KCNIP4: variants seen among roughly 807,000 people sequenced by gnomAD.
KCNIP4 encodes Kv channel-interacting protein 4.
Under a neutral mutation model 34.0 loss-of-function variants are expected in KCNIP4, and 12 were observed. The ratio of observed to expected loss-of-function variants is 0.35; its 90% CI spans 0.23 to 0.57. KCNIP4 has a LOEUF of 0.57. KCNIP4 is among the 20% of genes least tolerant of loss of function. The pLI is 0.83. For missense variants in KCNIP4, 238 were observed against 311.7 expected, an observed-to-expected ratio of 0.76 and a Z score of 1.78; for synonymous variants, 124 against 102.2, an observed-to-expected ratio of 1.21 and a Z score of -1.29.
chr4:21,007,520 C>T (rs918172958), intron 1 of KCNIP4, among the ~76,000 whole-genome samples: 2 of 151,984 alleles, frequency 1.3e-5, no homozygotes, highest in Admixed American at 6.6e-5. Context: ...TTTTTTGTAC[C>T]CATTAAACCA....
chr4:20,774,451 C>G (rs971925698), intron 3 of KCNIP4, among the ~76,000 whole-genome samples: 1 of 152,110 alleles, frequency 6.6e-6, no homozygotes, highest in African/African-American at 2.4e-5. Flanking sequence ...TGGATTTTAT[C>G]ATAATTAATT....
intron 1 of KCNIP4, among the ~76,000 whole-genome samples, chr4:21,717,548 C>A (rs899173544): frequency 2.6e-4 from 39 of 152,102 alleles, no homozygotes; most frequent in Non-Finnish European, 1.0e-4. Flanking sequence ...ACCATACCTC[C>A]CCAAAATAAA....
At chr4:21,601,863 G>A (rs1743192979) in intron 1 of KCNIP4, among the ~76,000 whole-genome samples, 1 of 152,092 alleles carries the variant, frequency 6.6e-6, no homozygotes, top group Non-Finnish European at 1.5e-5. Context: ...GGTCTCAACT[G>A]TCACCTCCTC....
At chr4:21,677,205 T>G (rs1227304965) in intron 1 of KCNIP4, among the ~76,000 whole-genome samples, 1 of 152,236 alleles carries the variant, frequency 6.6e-6, no homozygotes, top group Admixed American at 6.5e-5. Flanking sequence ...AGTCTTCTTT[T>G]GAGTTCTTAT....
chr4:21,757,177 AGG>A (rs1560691371), intron 1 of KCNIP4, among the ~76,000 whole-genome samples: 11 of 33,292 alleles, frequency 3.3e-4, no homozygotes, highest in African/African-American at 7.1e-4. Flanking sequence ...GAAGGAAGGA[AGG>A]AAGGAAGGAA....
intron 1 of KCNIP4, among the ~76,000 whole-genome samples, chr4:21,529,342 C>T (rs752417054): frequency 2.6e-5 from 4 of 152,126 alleles, no homozygotes; most frequent in Non-Finnish European, 2.9e-5. Flanking sequence ...CCACAGCTCA[C>T]TCAGTGACGG....
Position 21,528,752 on chromosome 4 carries a change from AAAG to A in KCNIP4, c.61+419816_61+419818del, listed in dbSNP as rs1736305150. 2.1e-3 allele frequency among the ~76,000 whole-genome samples: 24 copies of A among 11,626 alleles called. 3 individuals are homozygous for A. Among genetic ancestry groups the A allele is most frequent in the African/African-American group, 8.3e-3 (22 of 2,664 alleles). The allele number at this position is 11,626 out of a possible 152,430, so 7.6% of individuals were successfully genotyped here. On this transcript the variant is annotated intron_variant, in intron 1 of 8. Transcript: ENST00000382152. ...GAAAGAAAGAAAGAAAGAAAGAAAG[AAAG>A]AAAGAAAGAAAGAAAGAAAGAAAGG... is the stretch of plus-strand genomic sequence containing the variant.
At chr4:21,828,261 T>A (rs537216330) in intron 1 of KCNIP4, among the ~76,000 whole-genome samples, 3 of 151,826 alleles carry the variant, frequency 2.0e-5, no homozygotes, top group African/African-American at 7.2e-5. Flanking sequence ...ACACAGTATA[T>A]TAGAACTGGT....
At chr4:21,746,840 G>A (rs1716812915) in intron 1 of KCNIP4, among the ~76,000 whole-genome samples, 1 of 152,054 alleles carries the variant, frequency 6.6e-6, no homozygotes, top group Non-Finnish European at 1.5e-5. Context: ...AGTATGCAAA[G>A]CTATATATTA....
At chr4:21,504,477 A>AAAAAAAAAAAAAAG (rs1344033724) in intron 1 of KCNIP4, among the ~76,000 whole-genome samples, 1 of 110,154 alleles carries the variant, frequency 9.1e-6, no homozygotes, top group African/African-American at 3.9e-5. Context: ...AAAAAAAAAA[A>AAAAAAAAAAAAAAG]AGAAAGAAAG....
At chr4:21,750,284 A>G (rs1025858496) in intron 1 of KCNIP4, among the ~76,000 whole-genome samples, 1 of 152,210 alleles carries the variant, frequency 6.6e-6, no homozygotes, top group African/African-American at 2.4e-5. Context: ...TGGCATTTCA[A>G]ACATGCCAAA....
chr4:20,957,868 T>G (rs1733473380), intron 1 of KCNIP4, among the ~76,000 whole-genome samples: 1 of 152,214 alleles, frequency 6.6e-6, no homozygotes, highest in Non-Finnish European at 1.5e-5. Flanking sequence ...AGGAGATATC[T>G]TTGGCTCTTC....
At chr4:21,443,071 A>T (rs1486084300) in intron 1 of KCNIP4, among the ~76,000 whole-genome samples, 1 of 152,202 alleles carries the variant, frequency 6.6e-6, no homozygotes, top group Non-Finnish European at 1.5e-5. Flanking sequence ...ATGTGTTGTC[A>T]CTACGACAAA....
At chr4:21,470,630 T>G (rs938332701) in intron 1 of KCNIP4, among the ~76,000 whole-genome samples, 1 of 152,076 alleles carries the variant, frequency 6.6e-6, no homozygotes, top group African/African-American at 2.4e-5. Flanking sequence ...GCTAGGGAGC[T>G]GGCAGGAGAG....
At chr4:21,780,385 G>T (rs946831371) in intron 1 of KCNIP4, among the ~76,000 whole-genome samples, 1 of 152,140 alleles carries the variant, frequency 6.6e-6, no homozygotes, top group African/African-American at 2.4e-5. Context: ...TAATCAGCAA[G>T]GCCCATTCCA....
intron 1 of KCNIP4, among the ~76,000 whole-genome samples, chr4:21,394,064 T>G (rs944720321): frequency 6.6e-6 from 1 of 152,198 alleles, no homozygotes; most frequent in Non-Finnish European, 1.5e-5. Flanking sequence ...AACATCTACT[T>G]TTTTGTTAAT....
At chr4:20,983,798 G>T in intron 1 of KCNIP4, 4 of 1,534,782 alleles carry the variant, frequency 2.6e-6, no homozygotes, top group Non-Finnish European at 3.5e-6. Flanking sequence ...AGCACAGACT[G>T]GAGCGACCAC....
intron 1 of KCNIP4, chr4:21,846,252 A>G (rs1418474931): frequency 2.0e-5 from 3 of 152,154 alleles, no homozygotes; most frequent in Admixed American, 2.0e-4. Context: ...CATAAATTCA[A>G]TTCTTGCCAA....
At chr4:21,344,351 G>A (rs1379187799) in intron 1 of KCNIP4, among the ~76,000 whole-genome samples, 1 of 152,114 alleles carries the variant, frequency 6.6e-6, no homozygotes, top group East Asian at 1.9e-4. Context: ...GACTTCAGAG[G>A]ATGAGGAGTG....
Sources: allele counts gnomAD v4.1 joint callset (sites outside exome capture counted in the v4.1 genomes callset), GRCh38; gene constraint gnomAD v4.1.1; transcripts MANE v1.5; gene names NCBI Gene and HGNC (gene_info 2026-07-23, HGNC 2026-07-21).